The following NIPAL2 variants were observed in gnomAD, a reference collection of about 807,000 sequenced individuals.
NIPAL2 encodes NIPA like domain containing 2, also known as NIPA-like protein 2.
Under a neutral mutation model 48.9 loss-of-function variants are expected in NIPAL2, and 43 were observed. The ratio of observed to expected loss-of-function variants is 0.88; its 90% confidence interval spans 0.69 to 1.13. NIPAL2 has a LOEUF of 1.13. Among genes scored for constraint, NIPAL2 ranks in the 50% most tolerant of loss-of-function variants. The pLI, the probability that NIPAL2 is intolerant of heterozygous loss-of-function variation, is 0.00. For synonymous variants in NIPAL2, 167 were observed against 174.6 expected (o/e 0.96, Z 0.34); for missense variants, 446 against 461.4 (o/e 0.97, Z 0.31).
chr8:98,278,503 G>A (rs1412234028), intron 1 of NIPAL2, among the ~76,000 whole-genome samples: 3 of 151,910 alleles, frequency 2.0e-5, no homozygotes, highest in Non-Finnish European at 2.9e-5. Context: ...CCTTTGTACT[G>A]AATTCTGCAT....
At chr8:98,291,028 C>T (rs1816461419) in intron 1 of NIPAL2, among the ~76,000 whole-genome samples, 1 of 152,116 alleles carries the variant, frequency 6.6e-6, no homozygotes, top group Non-Finnish European at 1.5e-5. Context: ...CACAGCTGGC[C>T]AGTTTGAAAA....
intron 3 of NIPAL2, among the ~76,000 whole-genome samples, chr8:98,250,492 G>A (rs759179220): frequency 6.6e-6 from 1 of 152,176 alleles, no homozygotes; most frequent in Non-Finnish European, 1.5e-5. Flanking sequence ...TCCAGCTCAG[G>A]ACTGCCGTGG....
chr8:98,267,045 C>G (rs981326256), intron 1 of NIPAL2, among the ~76,000 whole-genome samples: 3 of 151,436 alleles, frequency 2.0e-5, no homozygotes, highest in Admixed American at 6.6e-5. Flanking sequence ...CTTTATTCCC[C>G]ATTTTTTTTG....
chr8:98,279,834 G>A (rs1815697595), intron 1 of NIPAL2, among the ~76,000 whole-genome samples: 1 of 152,224 alleles, frequency 6.6e-6, no homozygotes, highest in African/African-American at 2.4e-5. Context: ...AACACAGGAA[G>A]ATGTCTTTAA....
At chr8:98,196,809 G>A (rs192888232) in intron 8 of NIPAL2, among the ~76,000 whole-genome samples, 1 of 152,272 alleles carries the variant, frequency 6.6e-6, no homozygotes, top group East Asian at 1.9e-4. Context: ...CACTGCTCTA[G>A]GTCTTGGAGA....
chr8:98,204,874 A>G (rs968409624), intron 7 of NIPAL2, among the ~76,000 whole-genome samples: 3 of 152,070 alleles, frequency 2.0e-5, no homozygotes, highest in African/African-American at 7.2e-5. Context: ...AAGTGCACTT[A>G]GCTGGATTAA....
At chr8:98,242,742 G>A (rs973247832) in intron 3 of NIPAL2, among the ~76,000 whole-genome samples, 1 of 151,846 alleles carries the variant, frequency 6.6e-6, no homozygotes, top group Non-Finnish European at 1.5e-5. Context: ...CCTTGGCCTC[G>A]CAAAGTGCTA....
At position 98,205,235 on chromosome 8, in the gene NIPAL2, C is replaced by A; in HGVS notation, c.667G>T (p.Val223Phe). Reference protein sequence around the residue: ...TLVAILASLTVISVKAVSGMI... With the variant: ...TLVAILASLTFISVKAVSGMI... ...CCTGAGACGGCCTTTACTGAAATAA[C>A]AGTCAATGAGGCTGAAAAAGAAAAC... The change falls in exon 7 of 11, where the codon GTT becomes TTT. Residue 223 changes from valine (V) to phenylalanine (F), a missense_variant. Physicochemically the swap from Val to Phe is conservative, Grantham distance 50 (BLOSUM62 -1). Transcript: ENST00000430223. 5.6e-6 allele frequency: 9 copies of A among 1,610,586 alleles called. No homozygotes were observed. The highest frequency in any genetic ancestry group is 7.6e-6 in the Non-Finnish European group (9 of 1,179,124).
At position 98,205,141 on chromosome 8, in the gene NIPAL2, A is replaced by T. The variant is rs1212134680; in HGVS notation, c.761T>A (p.Ile254Asn). The stretch of plus-strand genomic sequence containing the variant: ...TTGGAAAACACAAGATGCTATCATG[A>T]TGATAAACATGATATAGAAAATGGG... ...TYPIFYIMFI[I>N]MIASCVFQVK... Residue 254 changes from isoleucine (I) to asparagine (N), a missense_variant, in exon 7 of 11, where the codon ATC becomes AAC. Coordinates refer to ENST00000430223, the MANE Select transcript of NIPAL2 (RefSeq NM_001321635.2). 1 of 1,613,018 alleles carries T rather than the reference A, an allele frequency of 6.2e-7. No individual in the cohort carries two copies. The highest frequency in any genetic ancestry group is 1.3e-5 in the African/African-American group (1 of 75,050).
At chr8:98,249,738 A>G (rs1813490908) in intron 3 of NIPAL2, among the ~76,000 whole-genome samples, 1 of 147,534 alleles carries the variant, frequency 6.8e-6, no homozygotes, top group Non-Finnish European at 1.5e-5. Context: ...AATTATATTT[A>G]CATTATTTAA....
intron 3 of NIPAL2, among the ~76,000 whole-genome samples, chr8:98,241,302 T>C (rs997295292): frequency 6.6e-6 from 1 of 152,056 alleles, no homozygotes; most frequent in African/African-American, 2.4e-5. Flanking sequence ...GACAAACACA[T>C]AGGGGAAAGT....
chr8:98,250,681 T>A (rs1813541164), intron 3 of NIPAL2, among the ~76,000 whole-genome samples: 2 of 152,110 alleles, frequency 1.3e-5, no homozygotes, highest in Admixed American at 1.3e-4. Context: ...AGAAAAATAA[T>A]CTGTAGCATG....
intron 1 of NIPAL2, among the ~76,000 whole-genome samples, chr8:98,280,325 C>T (rs1815726089): frequency 6.6e-6 from 1 of 152,152 alleles, no homozygotes; most frequent in African/African-American, 2.4e-5. Flanking sequence ...GTATGCAACC[C>T]ACAACTGGAA....
Position 98,203,170 on chromosome 8 carries a change from TAG to T in NIPAL2, c.816_817del (p.Tyr273GlnfsTer9). 1 of 1,614,172 alleles carries T rather than the reference TAG, an allele frequency of 6.2e-7. No homozygotes were observed. The highest frequency in any genetic ancestry group is 8.5e-7 in the Non-Finnish European group (1 of 1,179,980). On this transcript the variant is annotated frameshift_variant, in exon 8 of 11. Coordinates refer to ENST00000430223, the MANE Select transcript of NIPAL2 (RefSeq NM_001321635.2). LOFTEE classifies it high-confidence loss of function. ...AACTGGCACCACTGTTGTCGTATTG[TAG>T]AGTTTCGTGGCTTGATTCAGGAACC...
intron 5 of NIPAL2, among the ~76,000 whole-genome samples, chr8:98,214,167 CTTT>C (rs71644509): frequency 0.018 from 2,616 of 146,314 alleles, 64 homozygotes; most frequent in African/African-American, 0.055. Context: ...GTTTTAACAT[CTTT>C]TTTTTTTTTT....
At chr8:98,205,287 C>A (rs1401116511) in intron 6 of NIPAL2, 41 bp from the exon 7 acceptor site, 1 of 1,551,134 alleles carries the variant, frequency 6.4e-7, no homozygotes, top group East Asian at 2.2e-5. Flanking sequence ...GAACATATTT[C>A]AGATTGAATT....
chr8:98,272,585 A>C (rs1473363827), intron 1 of NIPAL2, among the ~76,000 whole-genome samples: 1 of 151,956 alleles, frequency 6.6e-6, no homozygotes, highest in African/African-American at 2.4e-5. Context: ...TCTTAACACC[A>C]GTTTAGAAAA....
rs1813658147 is a variant in NIPAL2, at chr8:98,252,642, T to C, written c.205-8A>G. On this transcript the variant is annotated splice_region_variant and splice_polypyrimidine_tract_variant and intron_variant, in intron 2 of 10. Transcript: ENST00000430223. ...CTGAAGGTGAGAATATTTCTGAAAG[T>C]AAATCAGAAGACAAATAAGAAAACA... 1 of 1,604,290 alleles carries C rather than the reference T, an allele frequency of 6.2e-7. No homozygotes were observed. The highest frequency in any genetic ancestry group is 8.5e-7 in the Non-Finnish European group (1 of 1,176,942).
intron 6 of NIPAL2, among the ~76,000 whole-genome samples, chr8:98,209,582 T>C (rs2331809): frequency 0.41 from 62,665 of 151,878 alleles, 13,224 homozygotes; most frequent in South Asian, 0.53. Context: ...TGTGCCACTA[T>C]ACTCCAGACT....
Sources: allele counts gnomAD v4.1 joint callset (sites outside exome capture counted in the v4.1 genomes callset), GRCh38; gene constraint gnomAD v4.1.1; transcripts MANE v1.5; gene names NCBI Gene and HGNC (gene_info 2026-07-23, HGNC 2026-07-21).